The following RFX3 variants were observed in gnomAD, a reference collection of about 807,000 sequenced individuals.
RFX3 encodes regulatory factor X3, also known as transcription factor RFX3.
Under a neutral mutation model 98.6 loss-of-function variants are expected in RFX3, and 14 were observed. The ratio of observed to expected loss-of-function variants is 0.14; its 90% CI spans 0.09 to 0.22. The LOEUF is 0.22. Among genes scored for constraint, RFX3 ranks in the 10% least tolerant of loss-of-function variants. The pLI is 1.00. For missense variants in RFX3, 639 were observed against 926.9 expected, an observed-to-expected ratio of 0.69 and a Z score of 4.03; for synonymous variants, 383 against 328.4, an observed-to-expected ratio of 1.17 and a Z score of -1.80.
chr9:3,503,737 T>G (rs1816301488), intron 1 of RFX3, among the ~76,000 whole-genome samples: 1 of 152,152 alleles, frequency 6.6e-6, no homozygotes, highest in African/African-American at 2.4e-5. Context: ...TAAATACAAT[T>G]CATAAATTAC....
At chr9:3,449,375 T>G (rs956677188) in intron 1 of RFX3, among the ~76,000 whole-genome samples, 2 of 152,248 alleles carry the variant, frequency 1.3e-5, no homozygotes, top group African/African-American at 4.8e-5. Flanking sequence ...CACACAGTTT[T>G]TCTATGCACT....
At chr9:3,507,537 C>A (rs185986852) in intron 1 of RFX3, among the ~76,000 whole-genome samples, 2 of 152,006 alleles carry the variant, frequency 1.3e-5, no homozygotes, top group Admixed American at 1.3e-4. Flanking sequence ...AATTCACACC[C>A]AGGGCTGTTC....
In RFX3 at chr9:3,409,786, A is replaced by C. The variant is rs1263387370; in HGVS notation, c.-8-14190T>G. Among the ~76,000 whole-genome samples the C allele has an allele frequency of 3.3e-5, 5 of 152,324 alleles. No homozygotes were observed. The East Asian group carries it at 9.6e-4, about 29-fold the overall frequency. On this transcript the variant is annotated intron_variant, in intron 1 of 16. Coordinates refer to ENST00000617270, the MANE Select transcript of RFX3 (RefSeq NM_001282116.2). ...TTTTCAGATAATTGGCCTGCTTCCC[A>C]AAATCACAGCCCTTTAAAGCTTAAA... is the stretch of plus-strand genomic sequence containing the variant.
chr9:3,419,130 T>C (rs1405043063), intron 1 of RFX3, among the ~76,000 whole-genome samples: 2 of 152,170 alleles, frequency 1.3e-5, no homozygotes, highest in African/African-American at 2.4e-5. Context: ...CTGGAACAAT[T>C]TCCATTTGGT....
chr9:3,248,722 G>A (rs1259225034), intron 14 of RFX3, among the ~76,000 whole-genome samples: 1 of 152,112 alleles, frequency 6.6e-6, no homozygotes, highest in African/African-American at 2.4e-5. Context: ...ATTCCAGCAA[G>A]TTTCCTTGGA....
At chr9:3,524,827 GCACACACACACACACACACACACACA>G (rs34119220) in intron 1 of RFX3, among the ~76,000 whole-genome samples, 4 of 128,132 alleles carry the variant, frequency 3.1e-5, no homozygotes, top group Non-Finnish European at 3.3e-5. Flanking sequence ...TAAATCACAA[GCACACACACACACACACACACACACA>G]CACACACACA....
chr9:3,513,449 G>A (rs1483335220), intron 1 of RFX3, among the ~76,000 whole-genome samples: 1 of 152,096 alleles, frequency 6.6e-6, no homozygotes, highest in Non-Finnish European at 1.5e-5. Context: ...TTAAGGTGTT[G>A]TTCTGGGCAT....
intron 11 of RFX3, among the ~76,000 whole-genome samples, chr9:3,266,981 A>G (rs942886423): frequency 3.3e-5 from 5 of 152,034 alleles, no homozygotes; most frequent in East Asian, 3.9e-4. Context: ...TATCCTTGAC[A>G]TATCTGTTAA....
At chr9:3,354,110 A>G (rs1264494846) in intron 2 of RFX3, among the ~76,000 whole-genome samples, 2 of 152,072 alleles carry the variant, frequency 1.3e-5, no homozygotes, top group East Asian at 3.8e-4. Context: ...AATAAAATCT[A>G]CCTACCATGA....
chr9:3,488,400 A>T (rs1335725212), intron 1 of RFX3, among the ~76,000 whole-genome samples: 1 of 152,206 alleles, frequency 6.6e-6, no homozygotes, highest in Admixed American at 6.5e-5. Flanking sequence ...AAGATTCACA[A>T]TTATTAGGTA....
intron 6 of RFX3, among the ~76,000 whole-genome samples, chr9:3,292,061 C>CAAAAAAAAAAAAAAAAAAAAAAAAA (rs58788880): frequency 4.2e-5 from 1 of 23,912 alleles, no homozygotes; most frequent in African/African-American, 1.4e-4. Flanking sequence ...GACTCCATCT[C>CAAAAAAAAAAAAAAAAAAAAAAAAA]AAAAAAAAAA....
At chr9:3,415,647 G>C (rs1308658706) in intron 1 of RFX3, among the ~76,000 whole-genome samples, 2 of 152,072 alleles carry the variant, frequency 1.3e-5, no homozygotes, top group South Asian at 2.1e-4. Flanking sequence ...TGCCTTCTCT[G>C]TTCTTCTCTG....
intron 1 of RFX3, among the ~76,000 whole-genome samples, chr9:3,414,110 G>C (rs1350556940): frequency 6.6e-6 from 1 of 152,042 alleles, no homozygotes; most frequent in East Asian, 1.9e-4. Flanking sequence ...GTACTTTATT[G>C]AAATGGGACA....
At chr9:3,510,327 C>G (rs1235492117) in intron 1 of RFX3, among the ~76,000 whole-genome samples, 1 of 151,688 alleles carries the variant, frequency 6.6e-6, no homozygotes, top group Non-Finnish European at 1.5e-5. Flanking sequence ...TTCTTGCCCC[C>G]CCCAAAAAAA....
intron 1 of RFX3, among the ~76,000 whole-genome samples, chr9:3,400,945 CATG>C (rs1841419416): frequency 6.6e-6 from 1 of 152,178 alleles, no homozygotes; most frequent in South Asian, 2.1e-4. Context: ...CTCTAAAGCA[CATG>C]ATGTCAACCA....
chr9:3,385,706 A>G (rs1282076460), intron 2 of RFX3, among the ~76,000 whole-genome samples: 1 of 84,294 alleles, frequency 1.2e-5, no homozygotes, highest in East Asian at 2.6e-4. Flanking sequence ...AAAAAAAAAG[A>G]AAAGAAAAGA....
chr9:3,404,317 C>A lies in RFX3; in HGVS notation c.-8-8721G>T, dbSNP rs540362996. ...TATGTATATACACTTGGAATAAAGA[C>A]TTGGCCAAAGGAGAAAAATGTAAAC... On this transcript the variant is annotated intron_variant, in intron 1 of 16. Transcript: ENST00000617270. Among the ~76,000 whole-genome samples the A allele has an allele frequency of 4.6e-5, 7 of 152,176 alleles. No homozygotes were observed. The South Asian group carries it at 1.4e-3, about 32-fold the overall frequency.
intron 1 of RFX3, among the ~76,000 whole-genome samples, chr9:3,467,312 A>G (rs1301586731): frequency 2.7e-5 from 4 of 147,452 alleles, no homozygotes; most frequent in Non-Finnish European, 6.0e-5. Flanking sequence ...ACAAATATAT[A>G]TATGTGTGTG....
At chr9:3,378,094 C>T (rs11536748) in intron 2 of RFX3, among the ~76,000 whole-genome samples, 32,970 of 152,098 alleles carry the variant, frequency 0.22, 6,285 homozygotes, top group African/African-American at 0.51. Flanking sequence ...ACAATATACA[C>T]TTGGATAAGA....
Sources: allele counts gnomAD v4.1 joint callset (sites outside exome capture counted in the v4.1 genomes callset), GRCh38; gene constraint gnomAD v4.1.1; transcripts MANE v1.5; gene names NCBI Gene and HGNC (gene_info 2026-07-23, HGNC 2026-07-21).